ITGA1: variants seen among roughly 807,000 people sequenced by gnomAD.
ITGA1 encodes integrin alpha-1.
In ITGA1, 85 loss-of-function variants were observed where a neutral mutation model predicts 145.9. That is an observed-to-expected ratio of 0.58 (90% confidence interval 0.49 to 0.70). ITGA1 has a LOEUF of 0.70. Ranked by LOEUF, ITGA1 falls within the 30% of genes least tolerant of loss-of-function variation. The pLI, the probability that ITGA1 is intolerant of heterozygous loss-of-function variation, is 0.00. For missense variants in ITGA1, 1,351 were observed against 1,418.7 expected (o/e 0.95, Z 0.77); for synonymous variants, 520 against 495.3 (o/e 1.05, Z -0.66).
chr5:52,828,055 G>A (rs1313326606), intron 1 of ITGA1, among the ~76,000 whole-genome samples: 2 of 152,078 alleles, frequency 1.3e-5, no homozygotes, highest in African/African-American at 4.8e-5. Context: ...AGCAGTTGAT[G>A]GACATTTGAG....
At chr5:52,835,821 T>C (rs1220992998) in intron 1 of ITGA1, among the ~76,000 whole-genome samples, 1 of 152,214 alleles carries the variant, frequency 6.6e-6, no homozygotes, top group East Asian at 1.9e-4. Context: ...GTTGCAAGAA[T>C]ATATGGAATG....
rs58664401 is a variant in ITGA1 at position 52,872,575 on chromosome 5, A to ATTTTTTTTTTTTTTTT, written c.624+6761_624+6776dup. On this transcript the variant is annotated intron_variant, in intron 6 of 28. Coordinates refer to ENST00000282588, the MANE Select transcript of ITGA1 (RefSeq NM_181501.2). ...CTTCCCCTTACACCCGCCTCAGTCA[A>ATTTTTTTTTTTTTTTT]TTTTTTTTTTTTTTTTTTGTGGGTG... Among the ~76,000 whole-genome samples the ATTTTTTTTTTTTTTTT allele has an allele frequency of 3.6e-4, 35 of 98,356 alleles. 4 individuals are homozygous for ATTTTTTTTTTTTTTTT. The highest frequency in any genetic ancestry group is 1.3e-3 in the East Asian group (3 of 2,290). 64.5% of individuals were successfully genotyped at this position (98,356 alleles called of 152,430 possible).
At chr5:52,887,788 CCT>C (rs1031599284) in intron 7 of ITGA1, 25 bp from the exon 8 acceptor site, 48 of 1,595,998 alleles carry the variant, frequency 3.0e-5, no homozygotes, top group Middle Eastern at 3.3e-4. Context: ...GTCTTATCAA[CCT>C]CTCTTTTGTT....
chr5:52,924,807 T>G (rs1750778996), intron 18 of ITGA1, among the ~76,000 whole-genome samples: 1 of 152,116 alleles, frequency 6.6e-6, no homozygotes, highest in Non-Finnish European at 1.5e-5. Flanking sequence ...GAGTTACATA[T>G]GGTGGTGGTG....
chr5:52,897,781 T>C (rs540176544), intron 10 of ITGA1, among the ~76,000 whole-genome samples: 6 of 152,192 alleles, frequency 3.9e-5, no homozygotes, highest in Non-Finnish European at 8.8e-5. Flanking sequence ...AGCTTTGCCT[T>C]GTAATTATGT....
At chr5:52,816,520 G>A (rs1331568582) in intron 1 of ITGA1, among the ~76,000 whole-genome samples, 2 of 152,100 alleles carry the variant, frequency 1.3e-5, no homozygotes, top group Non-Finnish European at 2.9e-5. Context: ...TCTTAGGGAG[G>A]GATAGGGAGG....
intron 1 of ITGA1, among the ~76,000 whole-genome samples, chr5:52,817,940 T>C (rs1340325476): frequency 6.6e-6 from 1 of 152,196 alleles, no homozygotes; most frequent in Non-Finnish European, 1.5e-5. Flanking sequence ...CTTGACTCTA[T>C]CATGGTATGG....
intron 9 of ITGA1, among the ~76,000 whole-genome samples, chr5:52,894,439 G>A (rs1217049277): frequency 1.3e-5 from 2 of 151,950 alleles, no homozygotes. Context: ...TGAGGATAAC[G>A]AGTTATGGCA....
At chr5:52,950,108 A>G (rs1252478425) in intron 28 of ITGA1, among the ~76,000 whole-genome samples, 1 of 152,216 alleles carries the variant, frequency 6.6e-6, no homozygotes. Context: ...AATACACTTC[A>G]TGATTGATGG....
intron 6 of ITGA1, among the ~76,000 whole-genome samples, chr5:52,878,361 G>T (rs1749900019): frequency 6.6e-6 from 1 of 152,222 alleles, no homozygotes; most frequent in Non-Finnish European, 1.5e-5. Context: ...GAGGTGGATA[G>T]ATGGATGATA....
intron 10 of ITGA1, 27 bp from the exon 11 acceptor site, chr5:52,898,212 T>G (rs1027816656): frequency 7.2e-7 from 1 of 1,396,770 alleles, no homozygotes; most frequent in Non-Finnish European, 9.5e-7. Flanking sequence ...TTATTAAATA[T>G]TATTATCTTA....
intron 6 of ITGA1, 142 bp downstream of exon 6, chr5:52,865,959 T>G (rs1400206832): frequency 6.2e-6 from 4 of 642,686 alleles, no homozygotes; most frequent in Non-Finnish European, 7.4e-6. Flanking sequence ...TGTTCTTATT[T>G]CTGATAAAAA....
chr5:52,933,168 A>C (rs192118086), intron 22 of ITGA1: 4 of 151,978 alleles, frequency 2.6e-5, no homozygotes, highest in Admixed American at 2.6e-4. Flanking sequence ...TGGCTTAATA[A>C]TTTATTATCT....
At chr5:52,922,989 G>A (rs1750752859) in intron 18 of ITGA1, 102 bp downstream of exon 18, 2 of 657,936 alleles carry the variant, frequency 3.0e-6, no homozygotes, top group Non-Finnish European at 5.2e-6. Flanking sequence ...CACAAAGAAC[G>A]AACAACTAAC....
chr5:52,940,029 T>C lies in ITGA1; in HGVS notation c.3285+85T>C. The C allele has an allele frequency of 4.9e-6, 4 of 815,490 alleles. No individual in the cohort carries two copies. The South Asian group carries it at 5.9e-5, about 12-fold the overall frequency. The allele number at this position is 815,490 out of a possible 1,614,324, so 50.5% of individuals were successfully genotyped here. Reference sequence around the variant, plus strand: ...ACTTAGAATATGCAAGGCACTGTGCTGCTTTTGGAAAGAATGTGCGACTGG... The same window carrying C: ...ACTTAGAATATGCAAGGCACTGTGCCGCTTTTGGAAAGAATGTGCGACTGG... On this transcript the variant is annotated intron_variant, in intron 26 of 28. Transcript: ENST00000282588.
intron 20 of ITGA1, among the ~76,000 whole-genome samples, chr5:52,928,101 G>A (rs75566290): frequency 0.065 from 9,883 of 152,130 alleles, 567 homozygotes; most frequent in Admixed American, 0.18. Context: ...ATATATTTCT[G>A]TTATTTATAA....
rs143702006 is a variant in ITGA1 at position 52,870,527 on chromosome 5, A to G, written c.624+4710A>G. Among the ~76,000 whole-genome samples, 285 of 152,342 alleles carry G rather than the reference A, an allele frequency of 1.9e-3. 1 individual carries two copies. Among genetic ancestry groups the G allele is most frequent in the African/African-American group, 6.3e-3 (263 of 41,570 alleles). ...TCAGTGGGGTCATACACATCTTAGT[A>G]TGTGTATACTGGAGTTGGGACACAT... On this transcript the variant is annotated intron_variant, in intron 6 of 28. Coordinates refer to ENST00000282588, the MANE Select transcript of ITGA1 (RefSeq NM_181501.2).
chr5:52,839,783 A>G (rs762143818), intron 1 of ITGA1, among the ~76,000 whole-genome samples: 1 of 152,208 alleles, frequency 6.6e-6, no homozygotes, highest in Non-Finnish European at 1.5e-5. Flanking sequence ...CAGTTCTCTA[A>G]TTTCCACTGG....
chr5:52,789,377 G>A (rs77518522), intron 1 of ITGA1, among the ~76,000 whole-genome samples: 1 of 152,072 alleles, frequency 6.6e-6, no homozygotes, highest in Non-Finnish European at 1.5e-5. Flanking sequence ...TTTACTGCTG[G>A]CATGGTTATT....
Sources: gnomAD v4.1 joint callset for allele counts (sites outside exome capture counted in the v4.1 genomes callset) on GRCh38, gnomAD v4.1.1 for gene constraint, MANE v1.5 for transcripts, NCBI Gene and HGNC (gene_info 2026-07-23, HGNC 2026-07-21) for gene names.